The following ZNF532 variants were observed in gnomAD, a reference collection of about 807,000 sequenced individuals.
ZNF532 encodes the protein zinc finger protein 532.
In ZNF532, 22 loss-of-function variants were observed where a neutral mutation model predicts 89.3. The ratio of observed to expected loss-of-function variants is 0.25; its 90% CI spans 0.18 to 0.35. The LOEUF (loss-of-function observed/expected upper bound fraction) is 0.35, where lower values mean the gene tolerates loss of function less well. Among genes scored for constraint, ZNF532 ranks in the 10% least tolerant of loss-of-function variants. The pLI is 1.00. For synonymous variants in ZNF532, 606 were observed against 649.6 expected, an observed-to-expected ratio of 0.93 and a Z score of 1.02; for missense variants, 1,132 against 1,643.4, an observed-to-expected ratio of 0.69 and a Z score of 5.38.
intron 2 of ZNF532, among the ~76,000 whole-genome samples, chr18:58,883,986 A>C (rs566449557): frequency 6.6e-6 from 1 of 152,236 alleles, no homozygotes; most frequent in Non-Finnish European, 1.5e-5. Context: ...CCAGAGAAGT[A>C]GGTTACCTTC....
At chr18:58,983,737 C>T (rs2068111061) in intron 9 of ZNF532, among the ~76,000 whole-genome samples, 1 of 94,088 alleles carries the variant, frequency 1.1e-5, no homozygotes, top group Non-Finnish European at 1.9e-5. Context: ...CTCATTTGTC[C>T]ACTGTTGTGC....
chr18:58,975,931 G>A lies in ZNF532; in HGVS notation c.3151-3124G>A, dbSNP rs146716229. Among the ~76,000 whole-genome samples, 50 of 152,258 alleles carry A rather than the reference G, an allele frequency of 3.3e-4. 1 individual carries two copies. The highest frequency in any genetic ancestry group is 1.1e-3 in the African/African-American group (46 of 41,554). ...ATAGTAAAGCCAGGAGGAAGCAAAC[G>A]GCCTAAAGTCTTAGAATGATGACGG... On this transcript the variant is annotated intron_variant, in intron 7 of 9. Transcript: ENST00000591808.
chr18:58,888,757 A>T (rs1460863932), intron 2 of ZNF532, among the ~76,000 whole-genome samples: 1 of 35,736 alleles, frequency 2.8e-5, no homozygotes, highest in African/African-American at 1.3e-4. Flanking sequence ...ATATATATAA[A>T]ATTAATATAT....
chr18:58,946,395 C>T (rs778525110), intron 5 of ZNF532, among the ~76,000 whole-genome samples: 6 of 151,142 alleles, frequency 4.0e-5, no homozygotes, highest in Middle Eastern at 3.2e-3. Context: ...TGGGCCCAAG[C>T]GATTCTTGTG....
At chr18:58,936,134 T>C (rs917310925) in intron 4 of ZNF532, among the ~76,000 whole-genome samples, 1 of 152,252 alleles carries the variant, frequency 6.6e-6, no homozygotes, top group Non-Finnish European at 1.5e-5. Context: ...TAACTAATTA[T>C]GTGGTAATTC....
At position 58,887,572 on chromosome 18, in the gene ZNF532, G is replaced by T. The variant is rs114741622; in HGVS notation, c.-18+21993G>T. 3.7e-3 allele frequency among the ~76,000 whole-genome samples: 569 copies of T among 152,332 alleles called. 9 individuals carry two copies. Among genetic ancestry groups the T allele is most frequent in the African/African-American group, 0.013 (547 of 41,574 alleles). On this transcript the variant is annotated intron_variant, in intron 2 of 9. Transcript: ENST00000591808. ...TCTGCCTCTCATGTGTTTGGGGTCA[G>T]TTGGGTGGTCTGGTGGGAGAAGAGG...
At chr18:58,951,137 A>AT (rs963501243) in intron 6 of ZNF532, among the ~76,000 whole-genome samples, 20 of 151,874 alleles carry the variant, frequency 1.3e-4, no homozygotes, top group African/African-American at 4.6e-4. Context: ...TGTATTTTGT[A>AT]TTTTTTGTAG....
chr18:58,924,283 T>C (rs2061356680), intron 3 of ZNF532, among the ~76,000 whole-genome samples: 3 of 152,266 alleles, frequency 2.0e-5, no homozygotes, highest in Admixed American at 2.0e-4. Flanking sequence ...GCTCACACCC[T>C]GACCTGTGCT....
At chr18:58,903,972 A>G (rs201141044) in intron 2 of ZNF532, among the ~76,000 whole-genome samples, 1 of 152,210 alleles carries the variant, frequency 6.6e-6, no homozygotes, top group East Asian at 1.9e-4. Context: ...AGTTGAACTA[A>G]TTTTTTAAAA....
chr18:58,973,293 G>A (rs1223287075), intron 7 of ZNF532, among the ~76,000 whole-genome samples: 1 of 152,208 alleles, frequency 6.6e-6, no homozygotes, highest in Non-Finnish European at 1.5e-5. Flanking sequence ...AGTAGAGACA[G>A]GATTTTGCCA....
Position 58,888,794 on chromosome 18 carries a change from ATAATT to A in ZNF532, c.-18+23218_-18+23222del, listed in dbSNP as rs1314694791. Reference sequence around the variant, plus strand: ...TAATTTATATATATATAAAATATATATAATTTATATATATAAAAAATTATATATAT... The same window carrying A: ...TAATTTATATATATATAAAATATATATATATATATAAAAAATTATATATAT... On this transcript the variant is annotated intron_variant, in intron 2 of 9. Transcript: ENST00000591808. Among the ~76,000 whole-genome samples the A allele has an allele frequency of 1.9e-4, 10 of 52,686 alleles. No homozygotes were observed. The East Asian group carries it at 3.3e-3, about 18-fold the overall frequency. 34.6% of individuals were successfully genotyped at this position (52,686 alleles called of 152,430 possible).
chr18:58,881,107 CT>C (rs796877706), intron 2 of ZNF532, among the ~76,000 whole-genome samples: 191 of 144,078 alleles, frequency 1.3e-3, no homozygotes, highest in Middle Eastern at 3.5e-3. Flanking sequence ...TTCTTTTTTT[CT>C]TTTTTTTTTT....
chr18:58,916,291 A>T (rs1370633250), intron 2 of ZNF532, among the ~76,000 whole-genome samples: 1 of 152,216 alleles, frequency 6.6e-6, no homozygotes, highest in Non-Finnish European at 1.5e-5. Context: ...TGCCTGACAG[A>T]TGGCTTTTTC....
chr18:58,982,029 A>T (rs2067847792), intron 9 of ZNF532, among the ~76,000 whole-genome samples: 1 of 147,808 alleles, frequency 6.8e-6, no homozygotes, highest in Non-Finnish European at 1.5e-5. Context: ...AAATCAGACC[A>T]CACTGAAAGT....
intron 3 of ZNF532, among the ~76,000 whole-genome samples, chr18:58,922,737 G>A (rs919561097): frequency 6.6e-6 from 1 of 151,574 alleles, no homozygotes; most frequent in African/African-American, 2.4e-5. Context: ...GTGTAGAGCG[G>A]TCGACTGTGT....
intron 7 of ZNF532, among the ~76,000 whole-genome samples, chr18:58,959,270 G>GTTTTT (rs1460137767): frequency 1.6e-5 from 2 of 127,678 alleles, no homozygotes; most frequent in Admixed American, 8.3e-5. Flanking sequence ...GTTTTTTTTT[G>GTTTTT]TTTTTTTTTG....
At chr18:58,915,365 G>A (rs1421173620) in intron 2 of ZNF532, among the ~76,000 whole-genome samples, 1 of 152,232 alleles carries the variant, frequency 6.6e-6, no homozygotes, top group Non-Finnish European at 1.5e-5. Flanking sequence ...CTCTTACCAC[G>A]TCCCACTGCT....
At chr18:58,888,747 A>ATATATAAAT (rs2058542141) in intron 2 of ZNF532, among the ~76,000 whole-genome samples, 2 of 45,456 alleles carry the variant, frequency 4.4e-5, no homozygotes, top group South Asian at 7.6e-4. Flanking sequence ...TATATTTTAT[A>ATATATAAAT]TATATATAAA....
At position 58,918,549 on chromosome 18, in the gene ZNF532, G is replaced by A; in HGVS notation, c.262G>A (p.Gly88Ser). ...EKDGHNPTGN[G>S]LHNGFLTASS... ...AGACGGCCACAACCCCACTGGCAAT[G>A]GCTTACATAATGGGTTTCTCACAGC... is the stretch of plus-strand genomic sequence containing the variant. Residue 88 changes from glycine (G) to serine (S), a missense_variant, in exon 3 of 10, where the codon GGC (glycine) becomes AGC (serine). By Grantham distance (56) the Gly-to-Ser change is moderately conservative (BLOSUM62 0). This residue lies in a region of ZNF532 where 302 missense variants were observed against 319.8 expected (regional missense o/e 0.94). Coordinates refer to ENST00000591808, the MANE Select transcript of ZNF532 (RefSeq NM_001375912.1). 1.2e-6 allele frequency: 2 copies of A among 1,614,202 alleles called. No individual in the cohort carries two copies. Among genetic ancestry groups the A allele is most frequent in the Non-Finnish European group, 1.7e-6 (2 of 1,180,044 alleles).
Sources: gnomAD v4.1 joint callset for allele counts (sites outside exome capture counted in the v4.1 genomes callset) on GRCh38, gnomAD v4.1.1 for gene constraint, gnomAD v4.1.1 regional missense constraint, MANE v1.5 for transcripts, NCBI Gene and HGNC (gene_info 2026-07-23, HGNC 2026-07-21) for gene names.